The following EML1 variants were observed in gnomAD, a reference collection of about 807,000 sequenced individuals.
EML1 encodes the protein echinoderm microtubule-associated protein-like 1.
EML1 carries 27 observed loss-of-function variants against 110.4 expected under a neutral mutation model. The ratio of observed to expected loss-of-function variants is 0.24; its 90% confidence interval spans 0.18 to 0.34. EML1 has a LOEUF of 0.34. Ranked by LOEUF, EML1 falls within the 10% of genes least tolerant of loss-of-function variation. The pLI, the probability that EML1 is intolerant of heterozygous loss-of-function variation, is 1.00. For synonymous variants in EML1, 344 were observed against 385.8 expected, an observed-to-expected ratio of 0.89 and a Z score of 1.27; for missense variants, 741 against 1,030.9, an observed-to-expected ratio of 0.72 and a Z score of 3.85.
rs573477397 is a variant in EML1 at position 99,936,634 on chromosome 14, G to A, written c.2095+300G>A. Among the ~76,000 whole-genome samples, 1 of 152,144 alleles carries A rather than the reference G, an allele frequency of 6.6e-6. No homozygotes were observed. The highest frequency in any genetic ancestry group is 2.4e-5 in the African/African-American group (1 of 41,432). On this transcript the variant is annotated intron_variant, in intron 19 of 21. Transcript: ENST00000262233. The surrounding 1 kb of genome is among the most constrained non-coding windows in gnomAD (Gnocchi z 5.5). ...GCAGGCGGATGTGGCAGAAGGGGGCGGGTCCGGGTGGATGTGGCCGAAGTG... is the reference window on the plus strand; with the variant it reads ...GCAGGCGGATGTGGCAGAAGGGGGCAGGTCCGGGTGGATGTGGCCGAAGTG...
chr14:99,745,422 A>T (rs2057097054), intron 1 of EML1, among the ~76,000 whole-genome samples: 1 of 152,248 alleles, frequency 6.6e-6, no homozygotes, highest in African/African-American at 2.4e-5. Context: ...ACACGCACAC[A>T]CTATGAAACA....
upstream of EML1, among the ~76,000 whole-genome samples, chr14:99,769,530 T>C (rs890592786): frequency 1.3e-5 from 2 of 152,200 alleles, no homozygotes; most frequent in Non-Finnish European, 2.9e-5. Flanking sequence ...GGGCCATGCA[T>C]TTAGAGCAGA....
At chr14:99,906,357 C>T (rs1332871929) in intron 9 of EML1, among the ~76,000 whole-genome samples, 1 of 152,162 alleles carries the variant, frequency 6.6e-6, no homozygotes, top group Non-Finnish European at 1.5e-5. Context: ...CCGAGGGCTG[C>T]TGGTTGCCTA....
At chr14:99,854,752 T>G (rs1249338109) in intron 2 of EML1, among the ~76,000 whole-genome samples, 2 of 152,232 alleles carry the variant, frequency 1.3e-5, no homozygotes, top group Non-Finnish European at 2.9e-5. Context: ...TTGGAATGTT[T>G]CCACTTTGCT....
At chr14:99,887,199 C>T (rs1595435668) in intron 4 of EML1, among the ~76,000 whole-genome samples, 1 of 152,306 alleles carries the variant, frequency 6.6e-6, no homozygotes, top group East Asian at 1.9e-4. Context: ...TGAGTCTCCA[C>T]GACTGCTTAT....
chr14:99,771,564 C>T (rs2057428773), upstream of EML1, among the ~76,000 whole-genome samples: 1 of 152,216 alleles, frequency 6.6e-6, no homozygotes, highest in Non-Finnish European at 1.5e-5. Flanking sequence ...ATATTCCTAG[C>T]ACTTTGGGAG....
intron 2 of EML1, among the ~76,000 whole-genome samples, chr14:99,854,185 C>T (rs905746095): frequency 3.3e-5 from 5 of 151,978 alleles, no homozygotes; most frequent in East Asian, 3.9e-4. Flanking sequence ...CTGCCGTAGC[C>T]GCTAGCTAGT....
intron 8 of EML1, among the ~76,000 whole-genome samples, 182 bp from the exon 9 acceptor site, chr14:99,900,747 C>A (rs2059750233): frequency 6.6e-6 from 1 of 152,178 alleles, no homozygotes; most frequent in Non-Finnish European, 1.5e-5. Context: ...ACAAGGCCCT[C>A]CACCTCCTGA....
intron 4 of EML1, among the ~76,000 whole-genome samples, chr14:99,886,965 A>C (rs890509383): frequency 4.6e-5 from 7 of 152,188 alleles, no homozygotes; most frequent in Non-Finnish European, 1.0e-4. Flanking sequence ...ACATTCAGGG[A>C]TTTGGACTTA....
At chr14:99,814,829 T>C (rs1182446610) in intron 1 of EML1, among the ~76,000 whole-genome samples, 1 of 152,160 alleles carries the variant, frequency 6.6e-6, no homozygotes, top group African/African-American at 2.4e-5. Flanking sequence ...GCTCAATGGA[T>C]GTTATTCTTA....
chr14:99,740,814 C>T (rs1426859172), intron 1 of EML1, among the ~76,000 whole-genome samples: 1 of 152,196 alleles, frequency 6.6e-6, no homozygotes, highest in Non-Finnish European at 1.5e-5. Context: ...TCTGTAAGTG[C>T]TTGGCACCTG....
chr14:99,909,574 C>A, intron 11 of EML1, 95 bp downstream of exon 11: 1 of 1,499,130 alleles, frequency 6.7e-7, no homozygotes, highest in African/African-American at 1.4e-5. Flanking sequence ...AACACAATCC[C>A]TTGGGATCCC....
chr14:99,739,027 C>A (rs1364287001), intron 1 of EML1, among the ~76,000 whole-genome samples: 1 of 150,466 alleles, frequency 6.6e-6, no homozygotes, highest in African/African-American at 2.5e-5. Flanking sequence ...CTTGGCCTGG[C>A]TGGGTAGGAT....
chr14:99,871,783 C>T (rs749771784), intron 3 of EML1, among the ~76,000 whole-genome samples: 3 of 152,132 alleles, frequency 2.0e-5, no homozygotes, highest in Non-Finnish European at 4.4e-5. Flanking sequence ...TAGTTTCTTG[C>T]GATAGGATCT....
At chr14:99,860,371 A>G (rs1162325245) in intron 2 of EML1, among the ~76,000 whole-genome samples, 3 of 152,122 alleles carry the variant, frequency 2.0e-5, no homozygotes, top group Non-Finnish European at 2.9e-5. Flanking sequence ...ACGAGCAGAA[A>G]ATTGTGTTTG....
At chr14:99,833,766 G>C (rs1036880665) in intron 1 of EML1, among the ~76,000 whole-genome samples, 3 of 152,096 alleles carry the variant, frequency 2.0e-5, no homozygotes, top group Admixed American at 1.3e-4. Flanking sequence ...TCATATTTTT[G>C]ATAATGTAAA....
intron 17 of EML1, among the ~76,000 whole-genome samples, chr14:99,925,312 G>A (rs1336531301): frequency 6.9e-6 from 1 of 145,000 alleles, no homozygotes; most frequent in East Asian, 2.0e-4. Flanking sequence ...CTGGGCTGGT[G>A]TACACTAGCA....
intron 4 of EML1, among the ~76,000 whole-genome samples, chr14:99,890,942 CACTT>C (rs768359026): frequency 3.1e-4 from 47 of 152,186 alleles, no homozygotes; most frequent in Non-Finnish European, 4.7e-4. Flanking sequence ...CTCCCCGAAA[CACTT>C]ACTTGCAGTC....
chr14:99,751,883 G>T (rs2057179833), intron 1 of EML1, among the ~76,000 whole-genome samples: 1 of 152,182 alleles, frequency 6.6e-6, no homozygotes, highest in Non-Finnish European at 1.5e-5. Flanking sequence ...TTGACCCTGG[G>T]TGAGAAGGGA....
Sources: gnomAD v4.1 joint callset for allele counts (sites outside exome capture counted in the v4.1 genomes callset) on GRCh38, gnomAD v4.1.1 for gene constraint, Gnocchi (gnomAD v3.1) non-coding constraint, MANE v1.5 for transcripts, NCBI Gene and HGNC (gene_info 2026-07-23, HGNC 2026-07-21) for gene names.